Variants in SGSM1 observed in about 807,000 individuals in gnomAD.
SGSM1 encodes the protein RUN and TBC1 domain containing 2.
Under a neutral mutation model 133.8 loss-of-function variants are expected in SGSM1, and 73 were observed. That is an observed-to-expected ratio of 0.55 (90% CI 0.45 to 0.66). The LOEUF (loss-of-function observed/expected upper bound fraction) is 0.66. Ranked by LOEUF, SGSM1 falls within the 30% of genes least tolerant of loss-of-function variation. The probability of loss-of-function intolerance (pLI) is 0.00; values close to 1 mark genes in which losing one functional copy is unlikely to be tolerated. For missense variants in SGSM1, 1,213 were observed against 1,448.1 expected (o/e 0.84, Z 2.64); for synonymous variants, 563 against 573.0 (o/e 0.98, Z 0.25).
chr22:24,814,632 C>T (rs1447032768), intron 2 of SGSM1, among the ~76,000 whole-genome samples: 1 of 152,098 alleles, frequency 6.6e-6, no homozygotes, highest in Non-Finnish European at 1.5e-5. Context: ...AGGGGTCAGG[C>T]ACACCGCGTG....
At chr22:24,845,973 CTTT>C (rs1904437630) in intron 3 of SGSM1, among the ~76,000 whole-genome samples, 1 of 143,656 alleles carries the variant, frequency 7.0e-6, no homozygotes, top group African/African-American at 2.7e-5. Flanking sequence ...TTCTTTCTTT[CTTT>C]CTTTCTTTCT....
chr22:24,825,125 G>A (rs549151788), intron 2 of SGSM1, among the ~76,000 whole-genome samples: 1 of 152,312 alleles, frequency 6.6e-6, no homozygotes, highest in East Asian at 1.9e-4. Context: ...GCTGAAGCCT[G>A]AGTTGCAGCT....
At chr22:24,886,579 G>T in intron 15 of SGSM1, 21 bp from the exon 16 acceptor site, 1 of 1,550,170 alleles carries the variant, frequency 6.5e-7, no homozygotes, top group Non-Finnish European at 8.7e-7. Context: ...CAAACTCTTT[G>T]CTCCTCTCCA....
chr22:24,900,196 A>G (rs1383963266), intron 19 of SGSM1, among the ~76,000 whole-genome samples: 1 of 151,456 alleles, frequency 6.6e-6, no homozygotes, highest in African/African-American at 2.4e-5. Context: ...AATTTTTTGT[A>G]TTTTTTATAG....
intron 2 of SGSM1, among the ~76,000 whole-genome samples, chr22:24,841,797 C>G (rs995239609): frequency 2.0e-5 from 3 of 152,198 alleles, no homozygotes; most frequent in African/African-American, 7.2e-5. Flanking sequence ...GAATCTCGCT[C>G]TATCGCCAGG....
intron 12 of SGSM1, among the ~76,000 whole-genome samples, chr22:24,869,193 A>G (rs115119828): frequency 0.016 from 2,480 of 152,206 alleles, 63 homozygotes; most frequent in African/African-American, 0.056. Flanking sequence ...CACCAGTTTC[A>G]TAGTCATTCT....
chr22:24,900,601 T>C (rs1241390167), intron 19 of SGSM1, among the ~76,000 whole-genome samples: 2 of 152,116 alleles, frequency 1.3e-5, no homozygotes, highest in Non-Finnish European at 2.9e-5. Context: ...TTCTCCATGT[T>C]GGTCAGGCTG....
chr22:24,905,191 A>T lies in SGSM1; in HGVS notation c.2818+4A>T. 3.7e-6 allele frequency: 6 copies of T among 1,613,640 alleles called. No homozygotes were observed. The highest frequency in any genetic ancestry group is 5.1e-6 in the Non-Finnish European group (6 of 1,179,626). On this transcript the variant is annotated splice_donor_region_variant and intron_variant, in intron 21 of 24. Coordinates refer to ENST00000400358, the MANE Select transcript of SGSM1 (RefSeq NM_001098497.3). ...CTGCTGGTCATTCTGGATGATGGTG[A>T]GTGTGTCTTTACTGCCCTAGGGCTG... is the stretch of plus-strand genomic sequence containing the variant.
chr22:24,856,477 G>A (rs1406090080), intron 8 of SGSM1, among the ~76,000 whole-genome samples: 1 of 152,202 alleles, frequency 6.6e-6, no homozygotes, highest in Admixed American at 6.5e-5. Context: ...AGGCTGCAGG[G>A]ATGGGTGGTA....
intron 2 of SGSM1, among the ~76,000 whole-genome samples, chr22:24,834,512 T>C (rs765674174): frequency 4.6e-5 from 7 of 152,196 alleles, no homozygotes; most frequent in Non-Finnish European, 1.0e-4. Flanking sequence ...AAAGCAGACA[T>C]TATTTACTCT....
chr22:24,877,416 C>T (rs990687851), intron 13 of SGSM1, among the ~76,000 whole-genome samples: 1 of 152,098 alleles, frequency 6.6e-6, no homozygotes, highest in Non-Finnish European at 1.5e-5. Flanking sequence ...AGTTAAATCT[C>T]AAGCTCATCT....
At chr22:24,846,041 CT>C (rs11320292) in intron 3 of SGSM1, among the ~76,000 whole-genome samples, 19,838 of 91,136 alleles carry the variant, frequency 0.22, 1,944 homozygotes, top group Middle Eastern at 0.3. Flanking sequence ...CTCTTTCTTT[CT>C]TTTTTTTTTT....
At chr22:24,836,298 G>A (rs981985794) in intron 2 of SGSM1, among the ~76,000 whole-genome samples, 1 of 152,126 alleles carries the variant, frequency 6.6e-6, no homozygotes, top group Admixed American at 6.5e-5. Flanking sequence ...CCTTTTTAAG[G>A]CTGGATAGTA....
intron 9 of SGSM1, among the ~76,000 whole-genome samples, chr22:24,862,149 C>T (rs1418743605): frequency 3.3e-5 from 5 of 151,930 alleles, no homozygotes; most frequent in South Asian, 2.1e-4. Flanking sequence ...AGGGTTTCTC[C>T]GTGTTGGTCA....
intron 2 of SGSM1, chr22:24,813,986 A>G (rs1182379331): frequency 6.6e-6 from 1 of 152,200 alleles, no homozygotes; most frequent in Non-Finnish European, 1.5e-5. Context: ...TCTGACCCCA[A>G]CAATGCTTGT....
intron 2 of SGSM1, among the ~76,000 whole-genome samples, chr22:24,839,488 G>A (rs950528771): frequency 1.3e-5 from 2 of 152,158 alleles, no homozygotes; most frequent in Non-Finnish European, 2.9e-5. Context: ...TTTCAAGGTA[G>A]CCCTGACCTT....
Position 24,806,280 on chromosome 22 carries a change from A to ACCG in SGSM1, c.-40_-38dup. ...CGCGGCCGGAGGAGCTACCGCCGCC[A>ACCG]CCGCCGCCACCGCCTCCTGGGACTC... On this transcript the variant is annotated 5_prime_UTR_variant, in exon 1 of 25. Coordinates refer to ENST00000400358, the MANE Select transcript of SGSM1 (RefSeq NM_001098497.3). 7.1e-7 allele frequency: 1 copy of ACCG among 1,405,018 alleles called. No individual in the cohort carries two copies. The highest frequency in any genetic ancestry group is 9.2e-7 in the Non-Finnish European group (1 of 1,084,458). The allele number at this position is 1,405,018 out of a possible 1,614,324, so 87.0% of individuals were successfully genotyped here.
At chr22:24,848,952 G>C (rs1930302174) in intron 4 of SGSM1, among the ~76,000 whole-genome samples, 1 of 152,184 alleles carries the variant, frequency 6.6e-6, no homozygotes, top group Non-Finnish European at 1.5e-5. Context: ...TCAGCCAACT[G>C]TTCTTTGAAT....
At chr22:24,865,155 G>A (rs765912430) in intron 9 of SGSM1, among the ~76,000 whole-genome samples, 10 of 152,288 alleles carry the variant, frequency 6.6e-5, no homozygotes, top group Non-Finnish European at 1.2e-4. Context: ...TTTGTTCACC[G>A]GGCATTCCAG....
Sources: gnomAD v4.1 joint callset for allele counts (sites outside exome capture counted in the v4.1 genomes callset) on GRCh38, gnomAD v4.1.1 for gene constraint, MANE v1.5 for transcripts, NCBI Gene and HGNC (gene_info 2026-07-23, HGNC 2026-07-21) for gene names.